Variants in MSI2 observed in about 807,000 individuals in gnomAD.
The protein encoded by MSI2 is musashi RNA binding protein 2, also known as RNA-binding protein Musashi homolog 2.
In MSI2, 17 loss-of-function variants were observed where a neutral mutation model predicts 45.6. The observed-to-expected ratio is 0.37, with a 90% CI of 0.26 to 0.56. The LOEUF is 0.56. Ranked by LOEUF, MSI2 falls within the 20% of genes least tolerant of loss-of-function variation. The pLI, the probability that MSI2 is intolerant of heterozygous loss-of-function variation, is 0.77. For synonymous variants in MSI2, 156 were observed against 158.2 expected, an observed-to-expected ratio of 0.99 and a Z score of 0.11; for missense variants, 293 against 444.2, an observed-to-expected ratio of 0.66 and a Z score of 3.06.
intron 7 of MSI2, among the ~76,000 whole-genome samples, chr17:57,570,434 G>A (rs1246978388): frequency 6.6e-6 from 1 of 152,190 alleles, no homozygotes; most frequent in Non-Finnish European, 1.5e-5. Flanking sequence ...GTTGAAATCT[G>A]TGCCTTAATT....
intron 8 of MSI2, among the ~76,000 whole-genome samples, chr17:57,614,549 C>G (rs1279732304): frequency 6.6e-6 from 1 of 152,136 alleles, no homozygotes; most frequent in Non-Finnish European, 1.5e-5. Context: ...TGTCTTTTCT[C>G]CGTCATTTAA....
intron 8 of MSI2, among the ~76,000 whole-genome samples, chr17:57,612,107 G>A (rs940467339): frequency 4.2e-5 from 4 of 95,190 alleles, no homozygotes; most frequent in Non-Finnish European, 1.0e-4. Flanking sequence ...GGGCCTGGGG[G>A]AGGACAGCAG....
the MSI2 span, among the ~76,000 whole-genome samples, chr17:57,695,961 C>T: frequency 6.6e-6 from 1 of 152,184 alleles, no homozygotes; most frequent in Non-Finnish European, 1.5e-5. Context: ...TATAGGAACA[C>T]TAATCCTATC....
intron 1 of MSI2, 115 bp from the exon 2 acceptor site, chr17:57,256,983 C>T: frequency 6.4e-7 from 1 of 1,574,460 alleles, no homozygotes; most frequent in South Asian, 1.1e-5. Context: ...CCCACCCCAC[C>T]TCCCGGCTCT....
intron 6 of MSI2, among the ~76,000 whole-genome samples, chr17:57,465,964 A>C (rs1296005775): frequency 6.6e-6 from 1 of 152,150 alleles, no homozygotes. Flanking sequence ...TGATTTGAAA[A>C]ATTGGCACCT....
intron 7 of MSI2, among the ~76,000 whole-genome samples, chr17:57,570,651 A>G (rs928132258): frequency 6.6e-6 from 1 of 152,218 alleles, no homozygotes; most frequent in Non-Finnish European, 1.5e-5. Flanking sequence ...TGAGGCCATT[A>G]TGCCTATTCA....
intron 6 of MSI2, among the ~76,000 whole-genome samples, chr17:57,502,688 A>G (rs2086142499): frequency 7.1e-6 from 1 of 140,502 alleles, no homozygotes; most frequent in African/African-American, 2.6e-5. Context: ...TAAGCCTTCT[A>G]GCATCTAATG....
chr17:57,329,940 GTT>G (rs113322197), intron 5 of MSI2, among the ~76,000 whole-genome samples: 15 of 141,840 alleles, frequency 1.1e-4, no homozygotes, highest in African/African-American at 3.6e-4. Flanking sequence ...TTTTGTTTTT[GTT>G]TTTTTTTTTT....
At chr17:57,369,934 T>C (rs1449117889) in intron 5 of MSI2, among the ~76,000 whole-genome samples, 1 of 152,226 alleles carries the variant, frequency 6.6e-6, no homozygotes, top group Non-Finnish European at 1.5e-5. Flanking sequence ...GAGTAATCTC[T>C]GCTCTTCATT....
At chr17:57,638,447 G>A (rs999435154) in intron 10 of MSI2, among the ~76,000 whole-genome samples, 3 of 152,204 alleles carry the variant, frequency 2.0e-5, no homozygotes, top group Non-Finnish European at 2.9e-5. Context: ...AGCATCCCAC[G>A]TGCGGCCAGA....
At chr17:57,256,415 C>T (rs1451135284), upstream of MSI2, 1 of 176,962 alleles carries the variant, frequency 5.7e-6, no homozygotes, top group Non-Finnish European at 1.2e-5. Flanking sequence ...CGTTCTAGAA[C>T]TCCGCCCCAC....
At chr17:57,663,202 C>G (rs914250838) in intron 11 of MSI2, among the ~76,000 whole-genome samples, 15 of 152,256 alleles carry the variant, frequency 9.9e-5, no homozygotes, top group African/African-American at 3.6e-4. Context: ...GCGGGAGCAG[C>G]GGGCTTCTTG....
At chr17:57,339,344 C>A (rs1054368019) in intron 5 of MSI2, among the ~76,000 whole-genome samples, 1 of 152,210 alleles carries the variant, frequency 6.6e-6, no homozygotes, top group Non-Finnish European at 1.5e-5. Context: ...GTGTTTCATT[C>A]TTGCATGCAC....
intron 5 of MSI2, among the ~76,000 whole-genome samples, chr17:57,366,794 G>A (rs1917229271): frequency 6.6e-6 from 1 of 152,198 alleles, no homozygotes; most frequent in South Asian, 2.1e-4. Flanking sequence ...TAGCGTGGGT[G>A]GCTTTTGAAA....
intron 7 of MSI2, among the ~76,000 whole-genome samples, chr17:57,558,440 A>ACCTC (rs759553764): frequency 2.0e-5 from 3 of 151,858 alleles, no homozygotes; most frequent in Non-Finnish European, 4.4e-5. Context: ...GAGGGTTTGC[A>ACCTC]CCTCCCCTAG....
At chr17:57,625,869 G>C (rs1454579512) in intron 9 of MSI2, 1 of 152,248 alleles carries the variant, frequency 6.6e-6, no homozygotes, top group Non-Finnish European at 1.5e-5. Context: ...CTAGCCAAGG[G>C]GACAACTCAG....
At chr17:57,286,589 G>T (rs181419999) in intron 5 of MSI2, among the ~76,000 whole-genome samples, 2 of 152,154 alleles carry the variant, frequency 1.3e-5, no homozygotes, top group Admixed American at 1.3e-4. Context: ...CTTCTCGGAG[G>T]TGACCACGTC....
chr17:57,273,535 T>TG (rs34640091), intron 5 of MSI2, among the ~76,000 whole-genome samples: 4,637 of 85,648 alleles, frequency 0.054, 140 homozygotes, highest in South Asian at 0.1. Flanking sequence ...GGGATGTGGG[T>TG]GGGGGGGGGG....
intron 6 of MSI2, among the ~76,000 whole-genome samples, chr17:57,499,103 C>T (rs527817135): frequency 2.5e-4 from 38 of 152,138 alleles, no homozygotes; most frequent in African/African-American, 9.2e-4. Context: ...AGGCCAGACG[C>T]GGTGGCTCAT....
Sources: gnomAD v4.1 joint callset for allele counts (sites outside exome capture counted in the v4.1 genomes callset) on GRCh38, gnomAD v4.1.1 for gene constraint, MANE v1.5 for transcripts, NCBI Gene and HGNC (gene_info 2026-07-23, HGNC 2026-07-21) for gene names.